ADAM19: variants seen among roughly 807,000 people sequenced by gnomAD.
The protein encoded by ADAM19 is disintegrin and metalloproteinase domain-containing protein 19.
In ADAM19, 65 loss-of-function variants were observed where a neutral mutation model predicts 114.7. The ratio of observed to expected loss-of-function variants is 0.57; its 90% CI spans 0.46 to 0.70. The LOEUF (loss-of-function observed/expected upper bound fraction) is 0.70. Ranked by LOEUF, ADAM19 falls within the 30% of genes least tolerant of loss-of-function variation. ADAM19 has a pLI of 0.00. For synonymous variants in ADAM19, 466 were observed against 460.5 expected (o/e 1.01, Z -0.15); for missense variants, 1,063 against 1,204.7 (o/e 0.88, Z 1.74).
At chr5:157,550,845 G>A (rs12189024) in intron 3 of ADAM19, among the ~76,000 whole-genome samples, 36,197 of 152,050 alleles carry the variant, frequency 0.24, 4,335 homozygotes, top group South Asian at 0.37. Flanking sequence ...ATATATCCAC[G>A]TTACATGTAA....
chr5:157,520,870 A>G (rs1294805714), intron 5 of ADAM19, among the ~76,000 whole-genome samples: 4 of 152,232 alleles, frequency 2.6e-5, no homozygotes, highest in African/African-American at 7.2e-5. Flanking sequence ...TGTCCTAGAC[A>G]TAATCTAGAC....
intron 21 of ADAM19, among the ~76,000 whole-genome samples, chr5:157,483,455 G>A (rs1754827547): frequency 6.6e-6 from 1 of 152,182 alleles, no homozygotes; most frequent in Non-Finnish European, 1.5e-5. Flanking sequence ...CTGGCGTGGG[G>A]AGATGTTCAA....
chr5:157,503,008 G>A, intron 11 of ADAM19, 28 bp from the exon 12 acceptor site: 2 of 1,602,466 alleles, frequency 1.2e-6, no homozygotes, highest in Non-Finnish European at 1.7e-6. Context: ...TGGAATTAGT[G>A]GGGAGTTTGA....
In ADAM19 at chr5:157,478,871, TG is replaced by T. The variant is rs1276650603; in HGVS notation, c.*2077del. 5.6e-5 allele frequency: 55 copies of T among 985,804 alleles called. No individual in the cohort carries two copies. Among genetic ancestry groups the T allele is most frequent in the Non-Finnish European group, 5.8e-5 (48 of 829,940 alleles). The allele number at this position is 985,804 out of a possible 1,614,324, so 61.1% of individuals were successfully genotyped here. On this transcript the variant is annotated 3_prime_UTR_variant, in exon 23 of 23. Coordinates refer to ENST00000257527, the MANE Select transcript of ADAM19 (RefSeq NM_033274.5). The stretch of plus-strand genomic sequence containing the variant: ...AGATGGCTCATGCAGTCACTATGGC[TG>T]TGGCGCTGTCATTTCAGAGCTATCT...
chr5:157,531,376 G>A (rs547533872), intron 4 of ADAM19, among the ~76,000 whole-genome samples: 5 of 152,280 alleles, frequency 3.3e-5, no homozygotes, highest in African/African-American at 1.2e-4. Flanking sequence ...TTAAGGTGAT[G>A]TCATGCTGGG....
intron 7 of ADAM19, among the ~76,000 whole-genome samples, chr5:157,517,981 C>A (rs1581321315): frequency 6.6e-6 from 1 of 152,288 alleles, no homozygotes; most frequent in Non-Finnish European, 1.5e-5. Flanking sequence ...GAATTTGCAT[C>A]TTACACAAGG....
At chr5:157,486,438 C>G (rs918458764) in intron 21 of ADAM19, among the ~76,000 whole-genome samples, 1 of 152,104 alleles carries the variant, frequency 6.6e-6, no homozygotes, top group Non-Finnish European at 1.5e-5. Flanking sequence ...GGGGTGCCTG[C>G]CACTGGCTGG....
At chr5:157,552,108 ACCACTGCACT>A (rs1419391283) in intron 3 of ADAM19, among the ~76,000 whole-genome samples, 2 of 151,990 alleles carry the variant, frequency 1.3e-5, no homozygotes, top group African/African-American at 4.8e-5. Flanking sequence ...CCAAGATCGC[ACCACTGCACT>A]CCAGCCTGGG....
chr5:157,506,628 C>T (rs1199387460), intron 10 of ADAM19, among the ~76,000 whole-genome samples: 2 of 152,238 alleles, frequency 1.3e-5, no homozygotes, highest in East Asian at 1.9e-4. Flanking sequence ...AACAAATAGT[C>T]TCATGAAGTC....
At position 157,479,870 on chromosome 5, in the gene ADAM19, G is replaced by A. The variant is rs959335500; in HGVS notation, c.*1079C>T. On this transcript the variant is annotated 3_prime_UTR_variant, in exon 23 of 23. Coordinates refer to ENST00000257527, the MANE Select transcript of ADAM19 (RefSeq NM_033274.5). ...CTTTGTAAATAGCTGGGCTCCCTAA[G>A]GGGAAACCTCACCTAGATTTAGCTT... is the stretch of plus-strand genomic sequence containing the variant. 135 of 985,550 alleles carry A rather than the reference G, an allele frequency of 1.4e-4. No individual in the cohort carries two copies. Among genetic ancestry groups the A allele is most frequent in the Non-Finnish European group, 1.6e-4 (132 of 830,018 alleles). The allele number at this position is 985,550 out of a possible 1,614,324, so 61.1% of individuals were successfully genotyped here.
At chr5:157,499,688 AG>A (rs1755491915) in intron 12 of ADAM19, 26 bp from the exon 13 acceptor site, 2 of 1,357,518 alleles carry the variant, frequency 1.5e-6, no homozygotes, top group African/African-American at 3.0e-5. Context: ...GGTGGGTGTG[AG>A]TGGGGGAGGG....
chr5:157,541,470 C>T (rs1191241799), intron 3 of ADAM19, among the ~76,000 whole-genome samples: 3 of 152,300 alleles, frequency 2.0e-5, no homozygotes, highest in African/African-American at 4.8e-5. Context: ...TGCCATGTCT[C>T]GGCACCATCA....
intron 3 of ADAM19, among the ~76,000 whole-genome samples, chr5:157,545,247 G>C (rs957075197): frequency 6.6e-6 from 1 of 152,202 alleles, no homozygotes; most frequent in Non-Finnish European, 1.5e-5. Flanking sequence ...CCTATTGTCA[G>C]AGCCTGCCCA....
At chr5:157,486,718 A>G (rs1396972879) in intron 21 of ADAM19, among the ~76,000 whole-genome samples, 2 of 151,312 alleles carry the variant, frequency 1.3e-5, no homozygotes, top group Non-Finnish European at 2.9e-5. Flanking sequence ...TTCTCCTGTA[A>G]CCCCAAGTCT....
At chr5:157,499,773 CTTTTTTTTT>C (rs553103564) in intron 12 of ADAM19, 111 bp from the exon 13 acceptor site, 13 of 419,994 alleles carry the variant, frequency 3.1e-5, no homozygotes, top group South Asian at 7.2e-5. Context: ...GCAACTATCT[CTTTTTTTTT>C]TTTTTTTTTT....
At chr5:157,550,133 C>T (rs991512573) in intron 3 of ADAM19, among the ~76,000 whole-genome samples, 3 of 152,104 alleles carry the variant, frequency 2.0e-5, no homozygotes, top group Non-Finnish European at 4.4e-5. Context: ...CTAGGACTAC[C>T]GTAACAAAGT....
intron 1 of ADAM19, chr5:157,572,252 A>AT (rs763862487): frequency 1.8e-5 from 8 of 455,390 alleles, no homozygotes; most frequent in Admixed American, 2.4e-5. Context: ...CACCCGGCTA[A>AT]TTTTTTTGTA....
intron 3 of ADAM19, among the ~76,000 whole-genome samples, chr5:157,547,025 G>A (rs1438700090): frequency 6.6e-6 from 1 of 152,218 alleles, no homozygotes; most frequent in Non-Finnish European, 1.5e-5. Flanking sequence ...TTTAGATAAG[G>A]AGGAGAAAAC....
chr5:157,564,767 A>G (rs150994002), intron 2 of ADAM19, among the ~76,000 whole-genome samples: 6 of 152,330 alleles, frequency 3.9e-5, no homozygotes, highest in Non-Finnish European at 5.9e-5. Context: ...ATCTGGATTC[A>G]AGCACCGGCT....
Sources: allele counts gnomAD v4.1 joint callset (sites outside exome capture counted in the v4.1 genomes callset), GRCh38; gene constraint gnomAD v4.1.1; transcripts MANE v1.5; gene names NCBI Gene and HGNC (gene_info 2026-07-23, HGNC 2026-07-21).